HIVEP3: variants seen among roughly 807,000 people sequenced by gnomAD.
HIVEP3 encodes transcription factor HIVEP3.
In HIVEP3, 49 loss-of-function variants were observed where a neutral mutation model predicts 152.8. The observed-to-expected ratio is 0.32, with a 90% CI of 0.26 to 0.41. The LOEUF is 0.41. HIVEP3 is among the 10% of genes least tolerant of loss of function. The probability of loss-of-function intolerance (pLI) is 1.00; values close to 1 mark genes in which losing one functional copy is unlikely to be tolerated. For missense variants in HIVEP3, 2,790 were observed against 3,103.3 expected, an observed-to-expected ratio of 0.90 and a Z score of 2.40; for synonymous variants, 1,269 against 1,289.0, an observed-to-expected ratio of 0.98 and a Z score of 0.33.
chr1:41,725,430 A>G (rs533451173), intron 1 of HIVEP3, among the ~76,000 whole-genome samples: 22 of 152,340 alleles, frequency 1.4e-4, no homozygotes, highest in Non-Finnish European at 2.4e-4. Flanking sequence ...GGGATGTTCA[A>G]TCTTCAAGGG....
At chr1:41,793,121 G>T (rs934553370) in intron 1 of HIVEP3, among the ~76,000 whole-genome samples, 1 of 152,186 alleles carries the variant, frequency 6.6e-6, no homozygotes, top group Non-Finnish European at 1.5e-5. Flanking sequence ...TGAAGCAGTG[G>T]ACATACTCAG....
intron 2 of HIVEP3, among the ~76,000 whole-genome samples, chr1:41,679,353 C>A (rs1646004371): frequency 1.3e-5 from 2 of 152,186 alleles, no homozygotes. Context: ...TTGATTTGGG[C>A]CCATTTGTCA....
intron 1 of HIVEP3, among the ~76,000 whole-genome samples, chr1:41,870,525 C>G (rs988438897): frequency 1.3e-5 from 2 of 152,160 alleles, no homozygotes; most frequent in Admixed American, 1.3e-4. Context: ...TCCATACTGG[C>G]CGGGTGAACG....
chr1:41,716,922 A>G (rs1380422048), intron 1 of HIVEP3, among the ~76,000 whole-genome samples: 1 of 152,236 alleles, frequency 6.6e-6, no homozygotes. Context: ...TCTGAGTGCC[A>G]GCAACAGAAA....
At chr1:41,939,404 T>G (rs972387253) in intron 1 of HIVEP3, among the ~76,000 whole-genome samples, 2 of 152,192 alleles carry the variant, frequency 1.3e-5, no homozygotes, top group Non-Finnish European at 2.9e-5. Context: ...ACCAGGCAGG[T>G]GCTGACGAGT....
At chr1:41,761,565 C>T (rs143337240) in intron 1 of HIVEP3, among the ~76,000 whole-genome samples, 2,228 of 151,578 alleles carry the variant, frequency 0.015, 25 homozygotes, top group Non-Finnish European at 0.019. Flanking sequence ...AGTATGTGTG[C>T]CTGTATATAC....
At chr1:41,648,898 C>T (rs1035163689) in intron 2 of HIVEP3, among the ~76,000 whole-genome samples, 1 of 152,342 alleles carries the variant, frequency 6.6e-6, no homozygotes, top group South Asian at 2.1e-4. Flanking sequence ...AATTTAGAGT[C>T]CAATGTGGTA....
At chr1:41,785,256 T>G (rs1649278902) in intron 1 of HIVEP3, among the ~76,000 whole-genome samples, 1 of 152,208 alleles carries the variant, frequency 6.6e-6, no homozygotes, top group Non-Finnish European at 1.5e-5. Flanking sequence ...CCCTTCTGTA[T>G]GAGAAAAGTT....
intron 1 of HIVEP3, among the ~76,000 whole-genome samples, chr1:41,744,206 T>G (rs933040502): frequency 2.0e-5 from 3 of 151,920 alleles, no homozygotes; most frequent in Non-Finnish European, 4.4e-5. Flanking sequence ...GCCCGGCTAA[T>G]TTTTTTGTAT....
chr1:41,531,534 G>A lies in HIVEP3; in HGVS notation c.5208-6624C>T, dbSNP rs185722560. ...GCGATAGAGGACAGGAGAGATGGAGGACAGGGGAGATGGAGGACAGGAGAG... is the reference window on the plus strand; with the variant it reads ...GCGATAGAGGACAGGAGAGATGGAGAACAGGGGAGATGGAGGACAGGAGAG... On this transcript the variant is annotated intron_variant, in intron 5 of 8. Transcript: ENST00000372583. 6.7e-4 allele frequency among the ~76,000 whole-genome samples: 50 copies of A among 74,390 alleles called. 1 individual carries two copies. The highest frequency in any genetic ancestry group is 2.4e-3 in the African/African-American group (48 of 19,746). 48.8% of individuals were successfully genotyped at this position (74,390 alleles called of 152,430 possible).
chr1:41,648,721 C>T (rs890972738), intron 2 of HIVEP3, among the ~76,000 whole-genome samples: 3 of 152,212 alleles, frequency 2.0e-5, no homozygotes, highest in African/African-American at 2.4e-5. Flanking sequence ...GTAGGCCAAC[C>T]CCATCCTTGT....
intron 1 of HIVEP3, among the ~76,000 whole-genome samples, chr1:41,971,798 G>A (rs1645231191): frequency 6.6e-6 from 1 of 152,144 alleles, no homozygotes; most frequent in African/African-American, 2.4e-5. Flanking sequence ...ACAGTATTAA[G>A]AGGTAGGACC....
At chr1:41,632,823 T>A (rs1436069098) in intron 2 of HIVEP3, among the ~76,000 whole-genome samples, 1 of 151,252 alleles carries the variant, frequency 6.6e-6, no homozygotes, top group Admixed American at 6.6e-5. Context: ...GGCCAGAATG[T>A]TCAAGAAAAT....
intron 5 of HIVEP3, chr1:41,542,794 C>A: frequency 6.1e-6 from 1 of 164,922 alleles, no homozygotes; most frequent in Non-Finnish European, 1.3e-5. Flanking sequence ...TCAGTTCCTC[C>A]TATGACACAT....
At chr1:41,680,116 C>T (rs1646016114) in intron 2 of HIVEP3, among the ~76,000 whole-genome samples, 1 of 152,214 alleles carries the variant, frequency 6.6e-6, no homozygotes, top group Non-Finnish European at 1.5e-5. Context: ...ACACCTCAGG[C>T]ACACACTGGT....
intron 1 of HIVEP3, among the ~76,000 whole-genome samples, chr1:42,028,300 T>C (rs965006653): frequency 6.6e-6 from 1 of 152,222 alleles, no homozygotes; most frequent in Admixed American, 6.5e-5. Context: ...GAATAGTGCC[T>C]GGCATTATAG....
chr1:41,881,132 A>G (rs1459890752), intron 1 of HIVEP3, among the ~76,000 whole-genome samples: 1 of 152,228 alleles, frequency 6.6e-6, no homozygotes, highest in African/African-American at 2.4e-5. Context: ...GGTGGTGATG[A>G]CAACAGTGCT....
chr1:41,932,318 T>G (rs1645000216), intron 1 of HIVEP3, among the ~76,000 whole-genome samples: 1 of 151,920 alleles, frequency 6.6e-6, no homozygotes, highest in East Asian at 1.9e-4. Flanking sequence ...TGTTTGTTTG[T>G]TTTTGGAAGG....
chr1:41,564,063 G>A (rs904878471), intron 5 of HIVEP3, among the ~76,000 whole-genome samples: 2 of 152,010 alleles, frequency 1.3e-5, no homozygotes, highest in Admixed American at 6.5e-5. Flanking sequence ...CATGGTGGCG[G>A]GCTCCTGTAG....
Sources: allele counts gnomAD v4.1 joint callset (sites outside exome capture counted in the v4.1 genomes callset), GRCh38; gene constraint gnomAD v4.1.1; transcripts MANE v1.5; gene names NCBI Gene and HGNC (gene_info 2026-07-23, HGNC 2026-07-21).